MACF1: variants seen among roughly 807,000 people sequenced by gnomAD.
MACF1 encodes microtubule actin crosslinking factor 1, also known as microtubule-actin cross-linking factor 1.
Under a neutral mutation model 854.8 loss-of-function variants are expected in MACF1, and 193 were observed. That is an observed-to-expected ratio of 0.23 (90% CI 0.20 to 0.25). The LOEUF is 0.25. Ranked by LOEUF, MACF1 falls within the 10% of genes least tolerant of loss-of-function variation. The probability of loss-of-function intolerance (pLI) is 1.00; values close to 1 mark genes in which losing one functional copy is unlikely to be tolerated. For missense variants in MACF1, 7,722 were observed against 8,929.1 expected, an observed-to-expected ratio of 0.86 and a Z score of 5.45; for synonymous variants, 3,185 against 3,226.7, an observed-to-expected ratio of 0.99 and a Z score of 0.44.
At chr1:39,207,570 G>C (rs934252872) in intron 1 of MACF1, among the ~76,000 whole-genome samples, 1 of 151,984 alleles carries the variant, frequency 6.6e-6, no homozygotes, top group African/African-American at 2.4e-5. Context: ...GTGAGCCACC[G>C]TGCCTGGCTG....
chr1:39,352,961 T>C, intron 43 of MACF1, 46 bp from the exon 44 acceptor site: 17 of 1,382,632 alleles, frequency 1.2e-5, no homozygotes, highest in Non-Finnish European at 1.6e-5. Flanking sequence ...GGTTGTATGA[T>C]TGAGTATGTA....
chr1:39,165,588 A>G (rs971277862), intron 2 of MACF1, among the ~76,000 whole-genome samples: 6 of 152,208 alleles, frequency 3.9e-5, no homozygotes, highest in African/African-American at 1.4e-4. Flanking sequence ...ACAAGCATAC[A>G]ATACCATTTT....
intron 2 of MACF1, among the ~76,000 whole-genome samples, chr1:39,141,790 G>A (rs566291201): frequency 7.9e-5 from 12 of 152,172 alleles, no homozygotes; most frequent in African/African-American, 2.7e-4. Context: ...GATGAAATGC[G>A]TGTATCTTGG....
Position 39,136,495 on chromosome 1 carries a change from T to C in MACF1, c.220+52057T>C, listed in dbSNP as rs544391887. Among the ~76,000 whole-genome samples the C allele has an allele frequency of 2.6e-5, 4 of 152,296 alleles. No homozygotes were observed. In the South Asian group the frequency reaches 8.3e-4, roughly 32 times the overall value. On this transcript the variant is annotated intron_variant, in intron 2 of 93. Coordinates refer to the MACF1 transcript ENST00000361689. The stretch of plus-strand genomic sequence containing the variant: ...TGGTTTATACTGGTTTGTCCCCAGT[T>C]CCTGCTCTGTGCCTGAGGGGACTGC...
chr1:39,121,518 C>T (rs1249611166), intron 2 of MACF1, among the ~76,000 whole-genome samples: 4 of 152,084 alleles, frequency 2.6e-5, no homozygotes, highest in South Asian at 2.1e-4. Flanking sequence ...GGCACTATCT[C>T]GGCTCACTAC....
Position 39,379,226 on chromosome 1 carries a change from A to G in MACF1, c.13300A>G (p.Met4434Val), listed in dbSNP as rs758236789. ...AGATCTGACGGAGATCCAGTGTGAC[A>G]TGTCAGATGTAAACTTGAAGTATGA... is the stretch of plus-strand genomic sequence containing the variant. Reference protein sequence around the residue: ...CKDLTEIQCDMSDVNLKYEKL... With the variant: ...CKDLTEIQCDVSDVNLKYEKL... Residue 4434 changes from methionine (M) to valine (V), a missense_variant, in exon 54 of 101, where the codon ATG becomes GTG. Physicochemically the swap from Met to Val is conservative, Grantham distance 21. Around this residue, in one of 15 missense-constraint regions of MACF1, gnomAD observed 2,807 missense variants for 3,235.8 expected, o/e 0.87. Transcript: ENST00000564288. The G allele has an allele frequency of 6.2e-7, 1 of 1,606,298 alleles. No individual in the cohort carries two copies. Among genetic ancestry groups the G allele is most frequent in the Non-Finnish European group, 8.5e-7 (1 of 1,176,328 alleles).
At chr1:39,237,692 C>T (rs1644875137) in intron 2 of MACF1, among the ~76,000 whole-genome samples, 1 of 151,602 alleles carries the variant, frequency 6.6e-6, no homozygotes, top group Admixed American at 6.6e-5. Flanking sequence ...ACTTGTTCTT[C>T]CTGCTAACTA....
chr1:39,367,665 C>A (rs1228062622), intron 49 of MACF1, among the ~76,000 whole-genome samples: 1 of 152,176 alleles, frequency 6.6e-6, no homozygotes, highest in Non-Finnish European at 1.5e-5. Flanking sequence ...CTGAAACTTT[C>A]ATTCTTTACG....
intron 2 of MACF1, among the ~76,000 whole-genome samples, chr1:39,116,403 TGC>T (rs1491238302): frequency 6.6e-6 from 1 of 151,320 alleles, no homozygotes; most frequent in African/African-American, 2.4e-5. Context: ...TGTGTGTGTG[TGC>T]ACGTGTGTGT....
intron 2 of MACF1, among the ~76,000 whole-genome samples, chr1:39,123,176 T>C (rs891503770): frequency 6.6e-6 from 1 of 150,784 alleles, no homozygotes; most frequent in East Asian, 2.0e-4. Flanking sequence ...CAGCATCTGA[T>C]AGCTTGTTAG....
At chr1:39,298,591 AT>A (rs1027830307) in intron 21 of MACF1, 86 of 419,284 alleles carry the variant, frequency 2.1e-4, no homozygotes, top group Middle Eastern at 7.8e-4. Context: ...AAAACAGTTC[AT>A]TTTTTTTGTC....
intron 43 of MACF1, among the ~76,000 whole-genome samples, chr1:39,352,605 C>T (rs917971956): frequency 2.6e-5 from 4 of 152,180 alleles, no homozygotes; most frequent in Non-Finnish European, 5.9e-5. Context: ...GCAACCTCCA[C>T]CTCCCAGGTT....
chr1:39,448,555 G>A, intron 83 of MACF1, 39 bp from the exon 84 acceptor site: 1 of 1,447,558 alleles, frequency 6.9e-7, no homozygotes, highest in Non-Finnish European at 9.2e-7. Flanking sequence ...GATGTCGTCT[G>A]ACTTTTAACA....
chr1:39,432,199 C>A (rs1283886699), intron 66 of MACF1, among the ~76,000 whole-genome samples: 1 of 152,198 alleles, frequency 6.6e-6, no homozygotes, highest in African/African-American at 2.4e-5. Context: ...TACTACTGTT[C>A]CATGTCTGGG....
At position 39,360,798 on chromosome 1, in the gene MACF1, A is replaced by G. The variant is rs1648125720; in HGVS notation, c.12250A>G (p.Ile4084Val). Residue 4084 changes from isoleucine (I) to valine (V), a missense_variant, in exon 48 of 101, where the codon ATA becomes GTA. This residue lies in a region of MACF1 where 2,807 missense variants were observed against 3,235.8 expected (regional missense o/e 0.87). Transcript: ENST00000564288. ...HRHVQETTDS[I>V]LSHFQSLSYS... ...TTCATGGCCTGATTTTTCAGATTCC[A>G]TACTCAGCCACTTCCAAAGCCTCTC... 3.1e-6 allele frequency: 5 copies of G among 1,605,812 alleles called. No individual in the cohort carries two copies. The highest frequency in any genetic ancestry group is 2.6e-6 in the Non-Finnish European group (3 of 1,175,572).
chr1:39,420,838 T>C (rs1183097707), intron 58 of MACF1, among the ~76,000 whole-genome samples: 3 of 151,682 alleles, frequency 2.0e-5, no homozygotes, highest in Non-Finnish European at 2.9e-5. Context: ...GCTGGTTCTA[T>C]CCCTCTGATA....
chr1:39,297,345 G>C (rs1012592822), intron 20 of MACF1, among the ~76,000 whole-genome samples: 3 of 152,188 alleles, frequency 2.0e-5, no homozygotes, highest in Non-Finnish European at 2.9e-5. Context: ...TACCTAGCCA[G>C]AAGTCAAGAG....
chr1:39,289,398 T>C (rs150386204), intron 15 of MACF1, among the ~76,000 whole-genome samples: 41 of 152,290 alleles, frequency 2.7e-4, no homozygotes, highest in Non-Finnish European at 1.8e-4. Flanking sequence ...TCACCAGCAT[T>C]TGTATATTGC....
chr1:39,283,451 A>T lies in MACF1; in HGVS notation c.851A>T (p.Tyr284Phe), dbSNP rs1348412197. The change falls in exon 9 of 101, where the codon TAT (tyrosine) becomes TTT (phenylalanine). Residue 284 changes from tyrosine (Y) to phenylalanine (F), a missense_variant. By Grantham distance (22) the Tyr-to-Phe change is conservative. Transcript: ENST00000564288. The surrounding 1 kb of genome is among the most constrained non-coding windows in gnomAD (Gnocchi z 4.5). ...PSPDEKSVITYVSSIYDAFPK... is the reference protein window; with the variant it reads ...PSPDEKSVITFVSSIYDAFPK... ...CCAGATGAAAAGTCTGTAATCACTT[A>T]TGTGTCTTCGATTTATGATGCCTTC... The T allele has an allele frequency of 6.2e-7, 1 of 1,613,026 alleles. No individual in the cohort carries two copies. Among genetic ancestry groups the T allele is most frequent in the Admixed American group, 1.7e-5 (1 of 60,016 alleles).
Sources: allele counts gnomAD v4.1 joint callset (sites outside exome capture counted in the v4.1 genomes callset), GRCh38; gene constraint gnomAD v4.1.1; regional missense constraint gnomAD v4.1.1; non-coding constraint Gnocchi (gnomAD v3.1); transcripts MANE v1.5; gene names NCBI Gene and HGNC (gene_info 2026-07-23, HGNC 2026-07-21).